LARGE1: variants seen among roughly 807,000 people sequenced by gnomAD.
The protein encoded by LARGE1 is xylosyl- and glucuronyltransferase LARGE1.
A neutral mutation model predicts 87.6 loss-of-function variants in LARGE1; 43 were observed. The ratio of observed to expected loss-of-function variants is 0.49; its 90% CI spans 0.38 to 0.63. The LOEUF (loss-of-function observed/expected upper bound fraction) is 0.63, where lower values mean the gene tolerates loss of function less well. LARGE1 is among the 30% of genes least tolerant of loss of function. The pLI, the probability that LARGE1 is intolerant of heterozygous loss-of-function variation, is 0.00. For missense variants in LARGE1, 802 were observed against 1,000.2 expected, an observed-to-expected ratio of 0.80 and a Z score of 2.67; for synonymous variants, 434 against 394.6, an observed-to-expected ratio of 1.10 and a Z score of -1.18.
At chr22:33,372,703 G>C (rs1435920270) in intron 9 of LARGE1, among the ~76,000 whole-genome samples, 1 of 151,992 alleles carries the variant, frequency 6.6e-6, no homozygotes, top group South Asian at 2.1e-4. Flanking sequence ...GATTTGGGTG[G>C]GGACACAGCC....
chr22:33,629,969 C>A (rs1024593786), intron 3 of LARGE1, among the ~76,000 whole-genome samples: 6 of 151,998 alleles, frequency 3.9e-5, no homozygotes, highest in Non-Finnish European at 8.8e-5. Context: ...GAGGCCGAGG[C>A]GGCGGATCAC....
chr22:33,243,239 G>A (rs1926603402), intron 11 of LARGE1, among the ~76,000 whole-genome samples: 1 of 152,160 alleles, frequency 6.6e-6, no homozygotes, highest in African/African-American at 2.4e-5. Context: ...ATACTTTTAA[G>A]TAAAACTTTA....
rs1248505798 is a variant in LARGE1 at position 33,844,668 on chromosome 22, C to T, written c.-83+75327G>A. On this transcript the variant is annotated intron_variant, in intron 1 of 14. Coordinates refer to ENST00000397394, the MANE Select transcript of LARGE1 (RefSeq NM_133642.5). ...CCGTGCGAACTTGGGTATATCACCT[C>T]CCCTCTGTGTGCTTTGGTTTCCTTG... is the stretch of plus-strand genomic sequence containing the variant. Among the ~76,000 whole-genome samples, 3 of 152,146 alleles carry T rather than the reference C, an allele frequency of 2.0e-5. No individual in the cohort carries two copies. The East Asian group carries it at 5.8e-4, about 30-fold the overall frequency.
At chr22:33,195,648 A>C (rs781164283) in intron 11 of LARGE1, among the ~76,000 whole-genome samples, 73 of 152,148 alleles carry the variant, frequency 4.8e-4, no homozygotes, top group Non-Finnish European at 6.8e-4. Context: ...CAAATATATC[A>C]AAATCTAGAT....
intron 10 of LARGE1, among the ~76,000 whole-genome samples, chr22:33,319,421 A>G (rs934211465): frequency 2.0e-5 from 3 of 152,084 alleles, no homozygotes; most frequent in Admixed American, 6.5e-5. Flanking sequence ...TTTGAGACAG[A>G]GTCTAGCTCT....
At chr22:33,776,172 A>G (rs1165067056) in intron 1 of LARGE1, among the ~76,000 whole-genome samples, 1 of 152,200 alleles carries the variant, frequency 6.6e-6, no homozygotes, top group Non-Finnish European at 1.5e-5. Flanking sequence ...AGTGAAGTGC[A>G]CTGATCTGCA....
chr22:33,835,623 C>A (rs80073626), intron 1 of LARGE1, among the ~76,000 whole-genome samples: 5 of 152,206 alleles, frequency 3.3e-5, no homozygotes, highest in Non-Finnish European at 7.3e-5. Flanking sequence ...GCACTAACTG[C>A]GGCCTATTTG....
intron 2 of LARGE1, among the ~76,000 whole-genome samples, chr22:33,671,878 T>C (rs1429922268): frequency 1.3e-5 from 2 of 152,126 alleles, no homozygotes; most frequent in African/African-American, 4.8e-5. Flanking sequence ...ATGGTGGCCA[T>C]TCTTGTCTGT....
At chr22:33,447,352 T>C (rs908427000) in intron 6 of LARGE1, among the ~76,000 whole-genome samples, 3 of 152,180 alleles carry the variant, frequency 2.0e-5, no homozygotes, top group Admixed American at 1.3e-4. Flanking sequence ...AGGTAAGGGC[T>C]GGAGACACAA....
At chr22:33,714,754 C>T (rs369597510) in intron 2 of LARGE1, among the ~76,000 whole-genome samples, 35 of 152,310 alleles carry the variant, frequency 2.3e-4, no homozygotes, top group African/African-American at 6.7e-4. Context: ...AGCAACCACA[C>T]GCAGGTCTCT....
At chr22:33,508,095 A>G (rs952527971) in intron 6 of LARGE1, among the ~76,000 whole-genome samples, 5 of 152,184 alleles carry the variant, frequency 3.3e-5, no homozygotes, top group Non-Finnish European at 7.3e-5. Flanking sequence ...TGCACAACTA[A>G]ACATCTGCCA....
intron 1 of LARGE1, among the ~76,000 whole-genome samples, chr22:33,886,241 G>A (rs1323569844): frequency 1.3e-5 from 2 of 152,096 alleles, no homozygotes; most frequent in African/African-American, 4.8e-5. Context: ...CTACACTTGG[G>A]GACTCAGACA....
intron 1 of LARGE1, among the ~76,000 whole-genome samples, chr22:33,809,609 C>A (rs913165371): frequency 1.1e-4 from 16 of 152,102 alleles, no homozygotes; most frequent in Admixed American, 7.2e-4. Flanking sequence ...GCTAGTTAGC[C>A]ACATGTATAG....
the LARGE1 span, among the ~76,000 whole-genome samples, chr22:33,080,065 T>C: frequency 6.6e-6 from 1 of 152,176 alleles, no homozygotes; most frequent in Non-Finnish European, 1.5e-5. Context: ...CCTCTTCCTC[T>C]CAAATGTTCC....
intron 1 of LARGE1, among the ~76,000 whole-genome samples, chr22:33,857,675 G>T (rs893200600): frequency 1.3e-5 from 2 of 152,180 alleles, no homozygotes; most frequent in Non-Finnish European, 2.9e-5. Context: ...CCATATTACT[G>T]CACACCCAGG....
chr22:33,696,506 G>A (rs998120735), intron 2 of LARGE1, among the ~76,000 whole-genome samples: 2 of 151,788 alleles, frequency 1.3e-5, no homozygotes, highest in Non-Finnish European at 2.9e-5. Context: ...CAATCAATCC[G>A]CCCGCCTTGG....
intron 1 of LARGE1, among the ~76,000 whole-genome samples, chr22:33,821,213 C>T (rs2086804256): frequency 6.6e-6 from 1 of 152,150 alleles, no homozygotes; most frequent in Non-Finnish European, 1.5e-5. Flanking sequence ...CCCACAAATG[C>T]TGTCACTTCC....
intron 12 of LARGE1, among the ~76,000 whole-genome samples, chr22:33,284,405 T>C (rs1238948023): frequency 6.6e-6 from 1 of 152,184 alleles, no homozygotes; most frequent in African/African-American, 2.4e-5. Flanking sequence ...GGTATCTCCC[T>C]AAGAGAAAGT....
chr22:33,819,215 G>A (rs2086747506), intron 1 of LARGE1, among the ~76,000 whole-genome samples: 1 of 152,006 alleles, frequency 6.6e-6, no homozygotes, highest in African/African-American at 2.4e-5. Context: ...GCCAACTTTT[G>A]TCAGTCCCAT....
Sources: allele counts gnomAD v4.1 joint callset (sites outside exome capture counted in the v4.1 genomes callset), GRCh38; gene constraint gnomAD v4.1.1; transcripts MANE v1.5; gene names NCBI Gene and HGNC (gene_info 2026-07-23, HGNC 2026-07-21).